PCDHGB3: variants seen among roughly 807,000 people sequenced by gnomAD.
PCDHGB3 encodes protocadherin gamma subfamily B, 3.
PCDHGB3 carries 40 observed loss-of-function variants against 59.2 expected under a neutral mutation model. That is an observed-to-expected ratio of 0.68 (90% confidence interval 0.52 to 0.88). PCDHGB3 has a LOEUF of 0.88. Among genes scored for constraint, PCDHGB3 ranks in the 40% least tolerant of loss-of-function variants. The pLI is 0.00. For synonymous variants in PCDHGB3, 581 were observed against 503.6 expected, an observed-to-expected ratio of 1.15 and a Z score of -2.06; for missense variants, 1,309 against 1,187.9, an observed-to-expected ratio of 1.10 and a Z score of -1.50.
intron 1 of PCDHGB3, chr5:141,391,690 A>AC (rs1231042361): frequency 6.6e-6 from 1 of 152,236 alleles, no homozygotes; most frequent in African/African-American, 2.4e-5. Flanking sequence ...TTCATCTGCT[A>AC]CGTTGCCCAG....
In PCDHGB3 at chr5:141,490,007, C is replaced by T. The variant is rs766407642; in HGVS notation, c.2416-4800C>T. On this transcript the variant is annotated intron_variant, in intron 1 of 3. Coordinates refer to ENST00000576222, the MANE Select transcript of PCDHGB3 (RefSeq NM_018924.5). The surrounding 1 kb of genome is among the most constrained non-coding windows in gnomAD (Gnocchi z 5.4). ...CGTGTGGGAATCCCAGAGAATGCACCCATTGGTACTCTGCTGCTCCGCCTC... is the reference window on the plus strand; with the variant it reads ...CGTGTGGGAATCCCAGAGAATGCACTCATTGGTACTCTGCTGCTCCGCCTC... 6.2e-7 allele frequency: 1 copy of T among 1,614,200 alleles called. No homozygotes were observed. The highest frequency in any genetic ancestry group is 8.5e-7 in the Non-Finnish European group (1 of 1,180,016).
At chr5:141,375,106 T>C in intron 1 of PCDHGB3, 1 of 1,613,952 alleles carries the variant, frequency 6.2e-7, no homozygotes, top group East Asian at 2.2e-5. Context: ...TGGATGTCAA[T>C]GATAATGTAC....
At position 141,511,124 on chromosome 5, in the gene PCDHGB3, C is replaced by G; in HGVS notation, c.2741C>G (p.Ala914Gly). 1.9e-6 allele frequency: 3 copies of G among 1,614,206 alleles called. No individual in the cohort carries two copies. Among genetic ancestry groups the G allele is most frequent in the Non-Finnish European group, 2.5e-6 (3 of 1,180,022 alleles). The change falls in exon 4 of 4, where the codon GCA (alanine) becomes GGA (glycine). Residue 914 changes from alanine to glycine, a missense_variant. Transcript: ENST00000576222. ...AAGKRDGKAP[A>G]GGNGNKKKSG... ...GGCAAGCGGGATGGCAAGGCCCCAG[C>G]AGGTGGCAATGGCAACAAGAAGAAG...
chr5:141,425,949 C>T (rs2096905190), intron 1 of PCDHGB3, among the ~76,000 whole-genome samples: 1 of 152,224 alleles, frequency 6.6e-6, no homozygotes. Flanking sequence ...GTTTCCTATA[C>T]ATTAGTCCAA....
At chr5:141,378,549 TAAAG>T (rs1207293265) in intron 1 of PCDHGB3, 5 of 152,122 alleles carry the variant, frequency 3.3e-5, no homozygotes, top group East Asian at 1.9e-4. Flanking sequence ...AATTAATAAA[TAAAG>T]AGTGAACATG....
chr5:141,415,736 T>G, intron 1 of PCDHGB3: 1 of 1,289,978 alleles, frequency 7.8e-7, no homozygotes, highest in South Asian at 1.8e-5. Context: ...TGATGTTTAT[T>G]AAGGTTTTTT....
chr5:141,407,497 G>GTTTTTTT (rs1554102286), intron 1 of PCDHGB3, among the ~76,000 whole-genome samples: 1 of 152,088 alleles, frequency 6.6e-6, no homozygotes, highest in African/African-American at 2.4e-5. Context: ...CTTTATTTCT[G>GTTTTTTT]TTTTTCTTAG....
At chr5:141,492,423 G>C (rs1164828445) in intron 1 of PCDHGB3, among the ~76,000 whole-genome samples, 1 of 152,222 alleles carries the variant, frequency 6.6e-6, no homozygotes, top group African/African-American at 2.4e-5. Context: ...CCCTCCGCCG[G>C]GCTCAGGAGT....
intron 1 of PCDHGB3, chr5:141,409,054 T>TA: frequency 6.2e-7 from 1 of 1,614,028 alleles, no homozygotes; most frequent in African/African-American, 1.3e-5. Flanking sequence ...TCCGAAGCAC[T>TA]GCCCAGAGCA....
intron 1 of PCDHGB3, chr5:141,398,687 A>T (rs940121215): frequency 1.9e-6 from 3 of 1,613,940 alleles, no homozygotes; most frequent in Non-Finnish European, 2.5e-6. Context: ...GAGAAACAGG[A>T]TGGTAGTAAA....
In PCDHGB3 at chr5:141,371,561, C is replaced by G. The variant is rs2240697; in HGVS notation, c.1167C>G (p.Asn389Lys). 742,014 of 1,613,358 alleles carry G rather than the reference C, an allele frequency of 0.46. 178,763 individuals carry two copies. Among genetic ancestry groups the G allele is most frequent in the African/African-American group, 0.84 (62,878 of 74,952 alleles). Reference protein sequence around the residue: ...NGEILCQLKGNFPFKIVQDTK... With the variant: ...NGEILCQLKGKFPFKIVQDTK... ...AAATCCTATGCCAACTAAAAGGAAA[C>G]TTCCCCTTTAAAATCGTTCAAGATA... The change falls in exon 1 of 4, where the codon AAC becomes AAG. Residue 389 changes from asparagine (N) to lysine (K), a missense_variant. Asn to Lys is a moderately conservative substitution (Grantham distance 94). Coordinates refer to ENST00000576222, the MANE Select transcript of PCDHGB3 (RefSeq NM_018924.5).
chr5:141,398,936 A>G (rs1377976758), intron 1 of PCDHGB3: 2 of 1,613,962 alleles, frequency 1.2e-6, no homozygotes, highest in South Asian at 2.2e-5. Context: ...ACTGACCAAG[A>G]CGAGGGCATC....
intron 1 of PCDHGB3, chr5:141,404,805 C>G (rs770534822): frequency 1.3e-5 from 21 of 1,613,960 alleles, no homozygotes; most frequent in Non-Finnish European, 1.8e-5. Context: ...GGGCTCTTCT[C>G]GGTGGGGCTG....
At chr5:141,410,818 T>C (rs567397835) in intron 1 of PCDHGB3, 1 of 556,016 alleles carries the variant, frequency 1.8e-6, no homozygotes, top group African/African-American at 2.1e-5. Context: ...TGTAAAATAA[T>C]GTCACCAGAC....
At chr5:141,463,165 C>G (rs1042153238) in intron 1 of PCDHGB3, among the ~76,000 whole-genome samples, 1 of 152,148 alleles carries the variant, frequency 6.6e-6, no homozygotes, top group Non-Finnish European at 1.5e-5. Context: ...TCAGTGCACT[C>G]TATGTATGCT....
At position 141,512,280 on chromosome 5, in the gene PCDHGB3, TGGAAGGGTCAGC is replaced by T. The variant is rs1187119941; in HGVS notation, c.*1111_*1122del. The T allele has an allele frequency of 1.3e-5, 2 of 152,682 alleles. No individual in the cohort carries two copies. Among genetic ancestry groups the T allele is most frequent in the African/African-American group, 2.4e-5 (1 of 41,396 alleles). 9.5% of individuals were successfully genotyped at this position (152,682 alleles called of 1,614,324 possible). ...CTGGGTACTCCAGAGGTGCCACTGGTGGAAGGGTCAGCGGAGCCCCAGCAGGAAGGGTGGGCC... is the reference window on the plus strand; with the variant it reads ...CTGGGTACTCCAGAGGTGCCACTGGTGGAGCCCCAGCAGGAAGGGTGGGCC... On this transcript the variant is annotated 3_prime_UTR_variant, in exon 4 of 4. Transcript: ENST00000576222.
chr5:141,388,426 T>A, intron 1 of PCDHGB3: 1 of 1,613,864 alleles, frequency 6.2e-7, no homozygotes, highest in Non-Finnish European at 8.5e-7. Flanking sequence ...TTCTCACTGA[T>A]AAATAAAGAG....
chr5:141,419,681 G>T (rs377117997), intron 1 of PCDHGB3: 89 of 1,612,904 alleles, frequency 5.5e-5, no homozygotes, highest in Non-Finnish European at 7.0e-5. Flanking sequence ...GTCCTACCAC[G>T]TGGTGCAGGC....
At chr5:141,466,864 C>G (rs925681539) in intron 1 of PCDHGB3, among the ~76,000 whole-genome samples, 24 of 151,910 alleles carry the variant, frequency 1.6e-4, no homozygotes, top group African/African-American at 5.3e-4. Flanking sequence ...TTTTGAAATC[C>G]ACACATTTTT....
Sources: allele counts gnomAD v4.1 joint callset (sites outside exome capture counted in the v4.1 genomes callset), GRCh38; gene constraint gnomAD v4.1.1; non-coding constraint Gnocchi (gnomAD v3.1); transcripts MANE v1.5; gene names NCBI Gene and HGNC (gene_info 2026-07-23, HGNC 2026-07-21).